SHPRH: variants seen among roughly 807,000 people sequenced by gnomAD.
SHPRH encodes the protein SNF2 histone linker PHD RING helicase, also known as E3 ubiquitin-protein ligase SHPRH.
In SHPRH, 106 loss-of-function variants were observed where a neutral mutation model predicts 202.5. The observed-to-expected ratio is 0.52, with a 90% CI of 0.45 to 0.62. The LOEUF is 0.62. SHPRH is among the 20% of genes least tolerant of loss of function. The pLI is 0.00. For synonymous variants in SHPRH, 729 were observed against 686.0 expected, an observed-to-expected ratio of 1.06 and a Z score of -0.98; for missense variants, 1,710 against 2,020.0, an observed-to-expected ratio of 0.85 and a Z score of 2.94.
intron 9 of SHPRH, 135 bp downstream of exon 9, chr6:145,943,008 G>T: frequency 9.6e-7 from 1 of 1,038,664 alleles, no homozygotes; most frequent in Non-Finnish European, 1.4e-6. Flanking sequence ...TTTTCTTTAA[G>T]CTTTGATTTA....
At chr6:145,948,678 G>A (rs376868598) in intron 4 of SHPRH, among the ~76,000 whole-genome samples, 221 of 152,140 alleles carry the variant, frequency 1.5e-3, no homozygotes, top group African/African-American at 4.8e-3. Flanking sequence ...CCTACCTGAT[G>A]AATGAGTCTA....
At position 145,943,325 on chromosome 6, in the gene SHPRH, C is replaced by T; in HGVS notation, c.2056G>A (p.Ala686Thr). ...QCLKCHLWQH[A>T]KCVNYDEKNL... ...TTCTCATCATAATTCACACACTTTG[C>T]ATGTTGCCACAGGTGACACTTCAGG... Residue 686 changes from alanine (A) to threonine (T), a missense_variant, in exon 9 of 30, where the codon GCA becomes ACA. Physicochemically the swap from Ala to Thr is moderately conservative, Grantham distance 58. This residue lies in a region of SHPRH where 277 missense variants were observed against 363.0 expected (regional missense o/e 0.76). Transcript: ENST00000275233. 1.9e-6 allele frequency: 3 copies of T among 1,613,824 alleles called. No homozygotes were observed. The highest frequency in any genetic ancestry group is 2.5e-6 in the Non-Finnish European group (3 of 1,179,908).
intron 2 of SHPRH, among the ~76,000 whole-genome samples, chr6:145,873,709 AAGGAAGGGAGGG>A (rs1356244538): frequency 7.9e-6 from 1 of 125,860 alleles, no homozygotes; most frequent in Non-Finnish European, 1.6e-5. Context: ...GGAAGGAAGG[AAGGAAGGGAGGG>A]AGGGAGGGAG....
chr6:145,961,249 G>C (rs983661113), intron 1 of SHPRH, among the ~76,000 whole-genome samples: 1 of 152,052 alleles, frequency 6.6e-6, no homozygotes, highest in South Asian at 2.1e-4. Context: ...AATCACCAGG[G>C]GAACTTAAAA....
At chr6:145,934,827 T>C in intron 13 of SHPRH, 80 bp downstream of exon 13, 1 of 1,363,272 alleles carries the variant, frequency 7.3e-7, no homozygotes, top group East Asian at 2.3e-5. Flanking sequence ...CAGTTACATG[T>C]CTCTGAATGA....
At chr6:145,907,864 G>GA (rs557403436) in intron 25 of SHPRH, 2 of 152,072 alleles carry the variant, frequency 1.3e-5, no homozygotes, top group Non-Finnish European at 2.9e-5. Context: ...AGGTATCCAT[G>GA]TGCCATGGTA....
Position 145,948,368 on chromosome 6 carries a change from C to G in SHPRH, c.983-18G>C, listed in dbSNP as rs1460797121. ...GGCACTTTCTAAAGAAAAATATAATCATAATAACAAATTTTTGTTTTCCCT... is the reference window on the plus strand; with the variant it reads ...GGCACTTTCTAAAGAAAAATATAATGATAATAACAAATTTTTGTTTTCCCT... On this transcript the variant is annotated intron_variant, in intron 4 of 29. Coordinates refer to ENST00000275233, the MANE Select transcript of SHPRH (RefSeq NM_001042683.3). 6.3e-7 allele frequency: 1 copy of G among 1,578,324 alleles called. No individual in the cohort carries two copies. Among genetic ancestry groups the G allele is most frequent in the South Asian group, 1.2e-5 (1 of 83,928 alleles).
intron 2 of SHPRH, among the ~76,000 whole-genome samples, chr6:145,877,198 G>C (rs1780343845): frequency 6.6e-6 from 1 of 152,188 alleles, no homozygotes. Context: ...GAGTGGCATA[G>C]CTGCTAGGTG....
At chr6:145,894,110 CTG>C in intron 27 of SHPRH, 38 bp downstream of exon 27, 1 of 1,492,880 alleles carries the variant, frequency 6.7e-7, no homozygotes, top group Non-Finnish European at 9.1e-7. Context: ...AAATTTGCAA[CTG>C]TATCCACTAC....
At chr6:145,889,561 T>C (rs1386611398) in intron 28 of SHPRH, among the ~76,000 whole-genome samples, 1 of 152,140 alleles carries the variant, frequency 6.6e-6, no homozygotes, top group Non-Finnish European at 1.5e-5. Flanking sequence ...ATTAAAAACG[T>C]TGTTTTGTGC....
intron 2 of SHPRH, among the ~76,000 whole-genome samples, chr6:145,954,186 A>T (rs1562373414): frequency 6.6e-6 from 1 of 152,026 alleles, no homozygotes; most frequent in Non-Finnish European, 1.5e-5. Context: ...AGACGCAGAA[A>T]GTCAGTGTGG....
intron 21 of SHPRH, among the ~76,000 whole-genome samples, chr6:145,920,127 C>G (rs1445017606): frequency 6.6e-6 from 1 of 152,120 alleles, no homozygotes; most frequent in Non-Finnish European, 1.5e-5. Context: ...TTGACAGGCT[C>G]TCTTCACTGA....
chr6:145,945,799 A>T, intron 7 of SHPRH, 162 bp from the exon 8 acceptor site: 1 of 657,352 alleles, frequency 1.5e-6, no homozygotes, highest in Non-Finnish European at 2.4e-6. Flanking sequence ...ATAAAAATGT[A>T]TCTCAGCATA....
chr6:145,897,266 G>T (rs1050252459), intron 25 of SHPRH, among the ~76,000 whole-genome samples: 1 of 151,748 alleles, frequency 6.6e-6, no homozygotes, highest in African/African-American at 2.4e-5. Flanking sequence ...ACAACTATAC[G>T]CCAAGAAATC....
In SHPRH at chr6:145,921,165, A is replaced by C; in HGVS notation, c.4008+2T>G. On this transcript the variant is annotated splice_donor_variant, in intron 21 of 29. Coordinates refer to ENST00000275233, the MANE Select transcript of SHPRH (RefSeq NM_001042683.3). LOFTEE classifies it high-confidence loss of function. ...TTGGAAGGAAGTTTTAAAATACTAT[A>C]CCTTATATTCCTTCTTCCATGCTTC... 6.2e-7 allele frequency: 1 copy of C among 1,610,580 alleles called. No individual in the cohort carries two copies. Among genetic ancestry groups the C allele is most frequent in the Non-Finnish European group, 8.5e-7 (1 of 1,177,902 alleles).
At chr6:145,930,812 A>T (rs1200484927) in intron 14 of SHPRH, among the ~76,000 whole-genome samples, 1 of 152,208 alleles carries the variant, frequency 6.6e-6, no homozygotes, top group Non-Finnish European at 1.5e-5. Flanking sequence ...AGGGATGTAG[A>T]AATCTCTGAC....
rs1784112733 is a variant in SHPRH, at chr6:145,918,124, A to T, written c.4254+7T>A. The T allele has an allele frequency of 6.2e-7, 1 of 1,603,266 alleles. No individual in the cohort carries two copies. Among genetic ancestry groups the T allele is most frequent in the Non-Finnish European group, 8.5e-7 (1 of 1,174,682 alleles). Reference sequence around the variant, plus strand: ...TAGGAAAAAGTAGCATGTCTTAGAAACAATACCTTCTCCAAATTAGTTAGG... The same window carrying T: ...TAGGAAAAAGTAGCATGTCTTAGAATCAATACCTTCTCCAAATTAGTTAGG... On this transcript the variant is annotated splice_region_variant and intron_variant, in intron 23 of 29. Transcript: ENST00000275233.
At chr6:145,858,178 C>T in the SHPRH span, among the ~76,000 whole-genome samples, 1 of 152,084 alleles carries the variant, frequency 6.6e-6, no homozygotes, top group East Asian at 1.9e-4. Context: ...AAGGTCACCA[C>T]ACCTACCATA....
chr6:145,919,319 C>T, intron 22 of SHPRH, 29 bp downstream of exon 22: 1 of 1,610,538 alleles, frequency 6.2e-7, no homozygotes, highest in Non-Finnish European at 8.5e-7. Context: ...GCTTGCTGTT[C>T]CCTTTTCTGT....
Sources: gnomAD v4.1 joint callset for allele counts (sites outside exome capture counted in the v4.1 genomes callset) on GRCh38, gnomAD v4.1.1 for gene constraint, gnomAD v4.1.1 regional missense constraint, MANE v1.5 for transcripts, NCBI Gene and HGNC (gene_info 2026-07-23, HGNC 2026-07-21) for gene names.